FBXO42: variants seen among roughly 807,000 people sequenced by gnomAD.
The protein encoded by FBXO42 is F-box protein 42.
In FBXO42, 12 loss-of-function variants were observed where a neutral mutation model predicts 71.7. The observed-to-expected ratio is 0.17, with a 90% CI of 0.11 to 0.27. FBXO42 has a LOEUF of 0.27. Ranked by LOEUF, FBXO42 falls within the 10% of genes least tolerant of loss-of-function variation. The pLI, the probability that FBXO42 is intolerant of heterozygous loss-of-function variation, is 1.00. For missense variants in FBXO42, 707 were observed against 911.9 expected (o/e 0.78, Z 2.89); for synonymous variants, 325 against 327.5 (o/e 0.99, Z 0.08).
At chr1:16,256,518 C>A in intron 5 of FBXO42, 88 bp downstream of exon 5, 1 of 1,391,146 alleles carries the variant, frequency 7.2e-7, no homozygotes, top group Non-Finnish European at 9.9e-7. Context: ...ATCTAATTCT[C>A]AAAGGGACTC....
chr1:16,283,323 G>A (rs78593986), intron 4 of FBXO42, among the ~76,000 whole-genome samples: 3,186 of 152,132 alleles, frequency 0.021, 41 homozygotes, highest in Middle Eastern at 0.044. Context: ...GGAATTGCAT[G>A]TGTGACTGAA....
chr1:16,274,432 T>C (rs2081876664), intron 4 of FBXO42, among the ~76,000 whole-genome samples: 2 of 151,972 alleles, frequency 1.3e-5, no homozygotes, highest in South Asian at 4.2e-4. Flanking sequence ...ATGAGGGGGC[T>C]TTTTTGAGGT....
intron 4 of FBXO42, among the ~76,000 whole-genome samples, chr1:16,258,485 T>C (rs965420849): frequency 3.3e-5 from 5 of 151,048 alleles, no homozygotes; most frequent in South Asian, 2.1e-4. Flanking sequence ...ACCTCCCAAA[T>C]AGCTAGGAAT....
intron 1 of FBXO42, among the ~76,000 whole-genome samples, chr1:16,335,809 G>A (rs2082547081): frequency 6.7e-6 from 1 of 149,294 alleles, no homozygotes; most frequent in Non-Finnish European, 1.5e-5. Context: ...AGAGGTTGCA[G>A]TGAGCTGAGA....
At chr1:16,336,309 T>G (rs1007826613) in intron 1 of FBXO42, among the ~76,000 whole-genome samples, 1 of 151,922 alleles carries the variant, frequency 6.6e-6, no homozygotes, top group African/African-American at 2.4e-5. Context: ...GATCGTAATA[T>G]TCTCTCTTCC....
intron 2 of FBXO42, among the ~76,000 whole-genome samples, chr1:16,314,701 A>AGT (rs2082345993): frequency 6.6e-6 from 1 of 152,100 alleles, no homozygotes. Flanking sequence ...TGGCTAACAC[A>AGT]GTGAAACCCC....
At chr1:16,293,666 G>A (rs1471781804) in intron 4 of FBXO42, 3 of 152,132 alleles carry the variant, frequency 2.0e-5, no homozygotes, top group African/African-American at 4.8e-5. Context: ...TAATGTAGGT[G>A]GAAAGAACAG....
chr1:16,352,289 C>A lies in FBXO42; in HGVS notation c.-52G>T. 1 of 396,852 alleles carries A rather than the reference C, an allele frequency of 2.5e-6. No individual in the cohort carries two copies. The highest frequency in any genetic ancestry group is 4.4e-6 in the Non-Finnish European group (1 of 225,048). 24.6% of individuals were successfully genotyped at this position (396,852 alleles called of 1,614,324 possible). A position where few individuals can be genotyped will look rare whatever the true frequency, so the allele number is the denominator to read the frequency against. On this transcript the variant is annotated 5_prime_UTR_variant, in exon 1 of 10. Transcript: ENST00000375592. The stretch of plus-strand genomic sequence containing the variant: ...CCCGCTCCACGCTCTCGGGTTCGCT[C>A]CGCTGGCGACGGTAATGAGGGAGCC...
chr1:16,249,299 A>T lies in FBXO42; in HGVS notation c.*1371T>A, dbSNP rs2081566725. On this transcript the variant is annotated 3_prime_UTR_variant, in exon 10 of 10. Transcript: ENST00000375592. ...TACTTGGTTACACCTTAATCTCAGA[A>T]ATGAAGTGAAAGTAAAAACCCAAGC... 6.6e-6 allele frequency: 1 copy of T among 152,224 alleles called. No individual in the cohort carries two copies. Among genetic ancestry groups the T allele is most frequent in the Admixed American group, 6.5e-5 (1 of 15,292 alleles). The allele number at this position is 152,224 out of a possible 1,614,324, so 9.4% of individuals were successfully genotyped here.
chr1:16,256,520 A>G, intron 5 of FBXO42, 86 bp downstream of exon 5: 2 of 1,400,818 alleles, frequency 1.4e-6, no homozygotes, highest in South Asian at 1.3e-5. Flanking sequence ...CTAATTCTCA[A>G]AGGGACTCTT....
chr1:16,259,772 A>AAAAAAAAAGAAAGAAAG (rs1464192288), intron 4 of FBXO42, among the ~76,000 whole-genome samples: 1 of 151,840 alleles, frequency 6.6e-6, no homozygotes, highest in Non-Finnish European at 1.5e-5. Context: ...TCTCAAAAAA[A>AAAAAAAAAGAAAGAAAG]AAAAAAAAGA....
rs1553156684 is a variant in FBXO42 at position 16,350,757 on chromosome 1, A to AGAAAGAAAGAAAGAAAGAAAG, written c.-18+1497_-18+1498insCTTTCTTTCTTTCTTTCTTTC. Among the ~76,000 whole-genome samples the AGAAAGAAAGAAAGAAAGAAAG allele has an allele frequency of 9.9e-4, 44 of 44,270 alleles. 1 individual carries two copies. The highest frequency in any genetic ancestry group is 1.4e-3 in the Non-Finnish European group (34 of 24,390). The allele number at this position is 44,270 out of a possible 152,430, so 29.0% of individuals were successfully genotyped here. On this transcript the variant is annotated intron_variant, in intron 1 of 9. Coordinates refer to ENST00000375592, the MANE Select transcript of FBXO42 (RefSeq NM_018994.3). ...GTGAGAAACTGCAAAAAAAAAAAAA[A>AGAAAGAAAGAAAGAAAGAAAG]AAAGAAAGAAAGAAAGAAAGAAAGA... is the stretch of plus-strand genomic sequence containing the variant.
chr1:16,293,620 A>G (rs1258785148), intron 4 of FBXO42: 2 of 152,286 alleles, frequency 1.3e-5, no homozygotes, highest in Non-Finnish European at 2.9e-5. Context: ...AGCTCCACCC[A>G]TGGTATCCAC....
chr1:16,343,409 G>A (rs2082625130), intron 1 of FBXO42, among the ~76,000 whole-genome samples: 1 of 152,084 alleles, frequency 6.6e-6, no homozygotes, highest in Admixed American at 6.6e-5. Flanking sequence ...AGCCTGGCAT[G>A]GTGGCATGTG....
rs1185960005 is a variant in FBXO42, at chr1:16,251,546, C to T, written c.1278G>A (p.Gly426=). Residue 426 remains glycine (G), a synonymous_variant, in exon 10 of 10, where the codon GGG becomes GGA. Coordinates refer to ENST00000375592, the MANE Select transcript of FBXO42 (RefSeq NM_018994.3). This position sits in a 1 kb window ranked among gnomAD's most constrained non-coding sequence, Gnocchi z 4.5. ...QRQTPSGSRE[G]SLSPARGDGS... is the part of the protein sequence containing the mutation. ...CGTCTCCTCTGGCTGGGGAAAGGCTCCCTTCCCGGGAACCTGAAGGAGTCT... is the reference window on the plus strand; with the variant it reads ...CGTCTCCTCTGGCTGGGGAAAGGCTTCCTTCCCGGGAACCTGAAGGAGTCT... 1.9e-6 allele frequency: 3 copies of T among 1,614,056 alleles called. No homozygotes were observed. Among genetic ancestry groups the T allele is most frequent in the East Asian group, 2.2e-5 (1 of 44,888 alleles).
At chr1:16,256,384 CT>C in intron 5 of FBXO42, among the ~76,000 whole-genome samples, 3 of 152,222 alleles carry the variant, frequency 2.0e-5, no homozygotes, top group Admixed American at 2.0e-4. Flanking sequence ...TCTATTTTTT[CT>C]CTTTAGAATA....
intron 4 of FBXO42, among the ~76,000 whole-genome samples, chr1:16,280,684 A>T (rs2081954414): frequency 6.6e-6 from 1 of 152,166 alleles, no homozygotes; most frequent in Non-Finnish European, 1.5e-5. Context: ...CTGAGGAAAG[A>T]GGATCACCTG....
intron 1 of FBXO42, among the ~76,000 whole-genome samples, chr1:16,318,733 A>T (rs933504387): frequency 6.6e-6 from 1 of 152,218 alleles, no homozygotes; most frequent in African/African-American, 2.4e-5. Flanking sequence ...AACTTCTGGA[A>T]GAAGTGCAGA....
intron 6 of FBXO42, 83 bp downstream of exon 6, chr1:16,255,628 C>G (rs1221896635): frequency 1.7e-6 from 2 of 1,174,842 alleles, no homozygotes; most frequent in African/African-American, 1.5e-5. Context: ...AATTAGGCAC[C>G]TGGTCCCTAA....
Sources: allele counts gnomAD v4.1 joint callset (sites outside exome capture counted in the v4.1 genomes callset), GRCh38; gene constraint gnomAD v4.1.1; non-coding constraint Gnocchi (gnomAD v3.1); transcripts MANE v1.5; gene names NCBI Gene and HGNC (gene_info 2026-07-23, HGNC 2026-07-21).